The following COL4A1 variants were observed in gnomAD, a reference collection of about 807,000 sequenced individuals.
COL4A1 encodes the protein collagen alpha-1(IV) chain.
COL4A1 carries 40 observed loss-of-function variants against 216.6 expected under a neutral mutation model. The observed-to-expected ratio is 0.18, with a 90% CI of 0.14 to 0.24. The LOEUF is 0.24. Ranked by LOEUF, COL4A1 falls within the 10% of genes least tolerant of loss-of-function variation. The probability of loss-of-function intolerance (pLI) is 1.00; values close to 1 mark genes in which losing one functional copy is unlikely to be tolerated. For synonymous variants in COL4A1, 839 were observed against 810.7 expected (o/e 1.03, Z -0.59); for missense variants, 1,628 against 2,196.8 (o/e 0.74, Z 5.18).
chr13:110,185,617 T>A (rs1246666606), intron 26 of COL4A1, among the ~76,000 whole-genome samples: 1 of 152,214 alleles, frequency 6.6e-6, no homozygotes, highest in Non-Finnish European at 1.5e-5. Context: ...ATTCCGGGAT[T>A]TTCTAGGGAA....
At chr13:110,237,394 C>T (rs932666175) in intron 2 of COL4A1, among the ~76,000 whole-genome samples, 7 of 152,250 alleles carry the variant, frequency 4.6e-5, no homozygotes, top group African/African-American at 1.2e-4. Flanking sequence ...CCCCACCCCC[C>T]GCCAGGAGAC....
At chr13:110,258,723 T>C (rs975233300) in intron 1 of COL4A1, among the ~76,000 whole-genome samples, 1 of 152,226 alleles carries the variant, frequency 6.6e-6, no homozygotes, top group Non-Finnish European at 1.5e-5. Flanking sequence ...GTTGTTGCTT[T>C]GACTTCAATT....
At chr13:110,278,922 G>GT (rs369893389) in intron 1 of COL4A1, among the ~76,000 whole-genome samples, 11 of 152,134 alleles carry the variant, frequency 7.2e-5, no homozygotes, top group African/African-American at 2.4e-4. Flanking sequence ...TACAAATCAT[G>GT]TTTTTTCCTG....
intron 49 of COL4A1, among the ~76,000 whole-genome samples, chr13:110,159,358 A>G (rs1176969459): frequency 6.6e-6 from 1 of 152,220 alleles, no homozygotes; most frequent in Non-Finnish European, 1.5e-5. Context: ...ACAATACACA[A>G]ACAGAGGAGA....
Position 110,152,410 on chromosome 13 carries a change from C to T in COL4A1, c.4852G>A (p.Gly1618Ser), listed in dbSNP as rs781502396. The T allele has an allele frequency of 3.7e-6, 6 of 1,614,208 alleles. No individual in the cohort carries two copies. Among genetic ancestry groups the T allele is most frequent in the African/African-American group, 1.3e-5 (1 of 75,058 alleles). Reference sequence around the variant, plus strand: ...GCGTAGTAATTGCAGGTCCCACGGCCGTGACACTCGATGAATGGCGCACTT... The same window carrying T: ...GCGTAGTAATTGCAGGTCCCACGGCTGTGACACTCGATGAATGGCGCACTT... ...FRSAPFIECHGRGTCNYYANA... is the reference protein window; with the variant it reads ...FRSAPFIECHSRGTCNYYANA... The change falls in exon 51 of 52, where the codon GGC becomes AGC. Residue 1618 changes from glycine (G) to serine (S), a missense_variant. Physicochemically the swap from Gly to Ser is moderately conservative, Grantham distance 56 (BLOSUM62 0). Transcript: ENST00000375820.
intron 4 of COL4A1, among the ~76,000 whole-genome samples, chr13:110,212,994 A>T (rs1879888912): frequency 6.6e-6 from 1 of 152,232 alleles, no homozygotes; most frequent in Admixed American, 6.5e-5. Context: ...AGAGGCCATT[A>T]TTCTAAGTGA....
chr13:110,299,797 C>A (rs1594127885), intron 1 of COL4A1, among the ~76,000 whole-genome samples: 1 of 152,158 alleles, frequency 6.6e-6, no homozygotes, highest in East Asian at 1.9e-4. Context: ...CTGGTGGTAG[C>A]AAATACGTCA....
Position 110,174,507 on chromosome 13 carries a change from T to C in COL4A1, c.3345A>G (p.Gly1115=). ...CTGGGAGGCCTTTGTCACCTTTTTC[T>C]CCAGGTAGCCCAGGACTTCCTAAAG... ...VGYPGSPGLP[G]EKGDKGLPGL... The change falls in exon 39 of 52, where the codon GGA becomes GGG. Residue 1115 remains glycine (G), a synonymous_variant. Coordinates refer to ENST00000375820, the MANE Select transcript of COL4A1 (RefSeq NM_001845.6). 12 of 1,614,100 alleles carry C rather than the reference T, an allele frequency of 7.4e-6. No homozygotes were observed. Among genetic ancestry groups the C allele is most frequent in the Non-Finnish European group, 1.0e-5 (12 of 1,180,016 alleles).
In COL4A1 at chr13:110,195,681, C is replaced by T. The variant is rs190497280; in HGVS notation, c.1286-563G>A. On this transcript the variant is annotated intron_variant, in intron 21 of 51. Transcript: ENST00000375820. ...TAAAAATAAACTGCAGTAATGTACA[C>T]ACCATCTGTCCTAGGTTCTAGTAAA... 3.3e-5 allele frequency among the ~76,000 whole-genome samples: 5 copies of T among 152,304 alleles called. No homozygotes were observed. The East Asian group carries it at 9.6e-4, about 29-fold the overall frequency.
At chr13:110,206,118 T>C (rs1209161584) in intron 15 of COL4A1, among the ~76,000 whole-genome samples, 1 of 152,248 alleles carries the variant, frequency 6.6e-6, no homozygotes, top group African/African-American at 2.4e-5. Flanking sequence ...TGTATCTTGG[T>C]AGCAAAGCTA....
chr13:110,295,339 T>C (rs934073367), intron 1 of COL4A1, among the ~76,000 whole-genome samples: 2 of 150,342 alleles, frequency 1.3e-5, no homozygotes, highest in Non-Finnish European at 3.0e-5. Flanking sequence ...AAATCTTAAA[T>C]AACTCCTTTT....
At chr13:110,219,838 A>ATATATGTG (rs1880345475) in intron 2 of COL4A1, among the ~76,000 whole-genome samples, 2 of 105,926 alleles carry the variant, frequency 1.9e-5, no homozygotes, top group Admixed American at 2.1e-4. Context: ...GTATGTATGT[A>ATATATGTG]TATATGTGTA....
chr13:110,278,681 A>T (rs1883513250), intron 1 of COL4A1, among the ~76,000 whole-genome samples: 1 of 152,080 alleles, frequency 6.6e-6, no homozygotes, highest in African/African-American at 2.4e-5. Context: ...CTCCTGATTG[A>T]TTTCATAACT....
At chr13:110,226,840 G>C (rs188891628) in intron 2 of COL4A1, among the ~76,000 whole-genome samples, 21 of 152,162 alleles carry the variant, frequency 1.4e-4, no homozygotes, top group African/African-American at 5.1e-4. Context: ...TTAAAATCTT[G>C]GTTTTAAAAC....
chr13:110,150,754 G>A (rs1214641619), intron 51 of COL4A1, among the ~76,000 whole-genome samples: 1 of 152,164 alleles, frequency 6.6e-6, no homozygotes, highest in African/African-American at 2.4e-5. Flanking sequence ...ATTCCCCTCT[G>A]TGCCACCCTG....
chr13:110,196,841 A>G (rs1007611350), intron 21 of COL4A1, among the ~76,000 whole-genome samples: 2 of 152,258 alleles, frequency 1.3e-5, no homozygotes, highest in Non-Finnish European at 2.9e-5. Flanking sequence ...TGCTCTATCG[A>G]TAAGTCCTGA....
intron 2 of COL4A1, among the ~76,000 whole-genome samples, chr13:110,242,030 T>C (rs1881591302): frequency 6.6e-6 from 1 of 152,184 alleles, no homozygotes; most frequent in East Asian, 1.9e-4. Context: ...AGTACCAGGA[T>C]GCTGCACTGT....
At position 110,178,104 on chromosome 13, in the gene COL4A1, A is replaced by C; in HGVS notation, c.2586T>G (p.Leu862=). The change falls in exon 32 of 52, where the codon CTT becomes CTG. Residue 862 remains leucine (L), a synonymous_variant. Transcript: ENST00000375820. ...GITGQSGLPG[L]PGQQGAPGIP... Reference sequence around the variant, plus strand: ...TCCCAGGAGCCCCCTGCTGTCCAGGAAGGCCAGGGAGCCCCGACTGTCCCG... The same window carrying C: ...TCCCAGGAGCCCCCTGCTGTCCAGGCAGGCCAGGGAGCCCCGACTGTCCCG... 6.2e-7 allele frequency: 1 copy of C among 1,614,140 alleles called. No individual in the cohort carries two copies. Among genetic ancestry groups the C allele is most frequent in the Non-Finnish European group, 8.5e-7 (1 of 1,180,018 alleles).
chr13:110,155,487 C>T, intron 49 of COL4A1, 90 bp from the exon 50 acceptor site: 1 of 804,066 alleles, frequency 1.2e-6, no homozygotes, highest in Admixed American at 2.0e-5. Flanking sequence ...ACTCAACATC[C>T]TCACTCAGTC....
Sources: allele counts gnomAD v4.1 joint callset (sites outside exome capture counted in the v4.1 genomes callset), GRCh38; gene constraint gnomAD v4.1.1; transcripts MANE v1.5; gene names NCBI Gene and HGNC (gene_info 2026-07-23, HGNC 2026-07-21).